CNPY1: variants seen among roughly 807,000 people sequenced by gnomAD.
The protein encoded by CNPY1 is canopy FGF signaling regulator 1.
In CNPY1, 14 loss-of-function variants were observed where a neutral mutation model predicts 14.4. The observed-to-expected ratio is 0.97, with a 90% CI of 0.64 to 1.52. CNPY1 has a LOEUF of 1.52. Ranked by LOEUF, CNPY1 falls within the 40% of genes most tolerant of loss-of-function variation. The probability of loss-of-function intolerance (pLI) is 0.00; values close to 1 mark genes in which losing one functional copy is unlikely to be tolerated. For missense variants in CNPY1, 129 were observed against 131.5 expected (o/e 0.98, Z 0.09); for synonymous variants, 43 against 46.5 (o/e 0.92, Z 0.31).
At chr7:155,506,829 G>A (rs111964905) in intron 4 of CNPY1, 191 bp downstream of exon 4, 14,867 of 607,298 alleles carry the variant, frequency 0.024, 236 homozygotes, top group Non-Finnish European at 0.03. Flanking sequence ...AGGCCACACA[G>A]CCCTGTGGTT....
At chr7:155,527,603 T>C (rs1260560936) in intron 2 of CNPY1, among the ~76,000 whole-genome samples, 4 of 148,978 alleles carry the variant, frequency 2.7e-5, no homozygotes, top group Non-Finnish European at 5.9e-5. Flanking sequence ...CACCACACCC[T>C]GCTAATTTTT....
chr7:155,507,243 T>C, intron 3 of CNPY1, 127 bp from the exon 4 acceptor site: 1 of 662,790 alleles, frequency 1.5e-6, no homozygotes, highest in Non-Finnish European at 2.7e-6. Flanking sequence ...TCCATTTTTA[T>C]TCGCCCTTTT....
At chr7:155,538,101 T>C (rs996678982) in intron 2 of CNPY1, among the ~76,000 whole-genome samples, 1 of 152,198 alleles carries the variant, frequency 6.6e-6, no homozygotes, top group Non-Finnish European at 1.5e-5. Context: ...AAAATACCCT[T>C]CGGATTTTTT....
rs747758043 is a variant in CNPY1 at position 155,509,032 on chromosome 7, G to C, written c.165C>G (p.Asn55Lys). ...DLLEKVCERM[N>K]DYKLEEDPVT... is the part of the protein sequence containing the mutation. ...CAGGGTCTTCCTCAAGCTTGTAGTC[G>C]TTCATTCGCTCACAGACTTTCTCCA... is the stretch of plus-strand genomic sequence containing the variant. The change falls in exon 3 of 5, where the codon AAC becomes AAG. Residue 55 changes from asparagine to lysine, a missense_variant. Asn to Lys is a moderately conservative substitution (Grantham distance 94). Coordinates refer to ENST00000636446, the MANE Select transcript of CNPY1 (RefSeq NM_001393663.1). 1 of 1,612,120 alleles carries C rather than the reference G, an allele frequency of 6.2e-7. No homozygotes were observed. The highest frequency in any genetic ancestry group is 8.5e-7 in the Non-Finnish European group (1 of 1,179,510).
chr7:155,517,238 G>A (rs1419103206), intron 2 of CNPY1, among the ~76,000 whole-genome samples: 1 of 152,164 alleles, frequency 6.6e-6, no homozygotes, highest in East Asian at 1.9e-4. Context: ...CTTGTAGGAA[G>A]AGGACATTAG....
At chr7:155,504,043 A>G (rs1030021404) in intron 4 of CNPY1, among the ~76,000 whole-genome samples, 1 of 152,180 alleles carries the variant, frequency 6.6e-6, no homozygotes, top group South Asian at 2.1e-4. Flanking sequence ...ATGCCCCAAG[A>G]TATTCCACCA....
chr7:155,533,389 C>T (rs1171439737), intron 2 of CNPY1, among the ~76,000 whole-genome samples: 1 of 152,240 alleles, frequency 6.6e-6, no homozygotes, highest in Non-Finnish European at 1.5e-5. Flanking sequence ...TTCCCGGTGG[C>T]TCTCCACGCA....
intron 4 of CNPY1, 24 bp from the exon 5 acceptor site, chr7:155,503,129 T>C (rs774550028): frequency 1.9e-6 from 3 of 1,570,648 alleles, no homozygotes; most frequent in East Asian, 2.2e-5. Flanking sequence ...AAAAAGTAGA[T>C]AGCATCATTA....
At chr7:155,523,931 G>A (rs565401754) in intron 2 of CNPY1, among the ~76,000 whole-genome samples, 1 of 152,304 alleles carries the variant, frequency 6.6e-6, no homozygotes, top group East Asian at 1.9e-4. Context: ...CAGAGGCAGA[G>A]GCTGGGGTGA....
chr7:155,502,892 G>GGTTT lies in CNPY1; in HGVS notation c.*172_*175dup. The GGTTT allele has an allele frequency of 7.1e-6, 4 of 559,620 alleles. No individual in the cohort carries two copies. Among genetic ancestry groups the GGTTT allele is most frequent in the Non-Finnish European group, 1.3e-5 (4 of 318,352 alleles). The allele number at this position is 559,620 out of a possible 1,614,324, so 34.7% of individuals were successfully genotyped here. On this transcript the variant is annotated 3_prime_UTR_variant, in exon 5 of 5. Coordinates refer to ENST00000636446, the MANE Select transcript of CNPY1 (RefSeq NM_001393663.1). The stretch of plus-strand genomic sequence containing the variant: ...CAGCTTCACCTATAAAAAAACGCAG[G>GGTTT]GTTTGTCATGATGTCAACCAACAGA...
At position 155,503,107 on chromosome 7, in the gene CNPY1, TG is replaced by T. The variant is rs376612451; in HGVS notation, c.401-3del. ...GATTAGCAGAAGTTTCACACAGATC[TG>T]GAAAAAAAAAAAAAAGTAGATAGCA... On this transcript the variant is annotated splice_region_variant and splice_polypyrimidine_tract_variant and intron_variant, in intron 4 of 4. Transcript: ENST00000636446. 8.5e-3 allele frequency: 13,254 copies of T among 1,551,444 alleles called. 625 individuals carry two copies. In the African/African-American group the frequency reaches 0.21, roughly 25 times the overall value.
chr7:155,512,263 A>G (rs1446664990), intron 2 of CNPY1, among the ~76,000 whole-genome samples: 1 of 152,200 alleles, frequency 6.6e-6, no homozygotes, highest in African/African-American at 2.4e-5. Flanking sequence ...GCTTTTACAT[A>G]TGGACTTGTT....
intron 2 of CNPY1, among the ~76,000 whole-genome samples, chr7:155,542,294 G>A (rs1244325069): frequency 6.6e-6 from 1 of 150,914 alleles, no homozygotes; most frequent in East Asian, 1.9e-4. Context: ...CCTGCCAGCT[G>A]CTCCCCGGAC....
At chr7:155,532,540 G>A (rs1344491437) in intron 2 of CNPY1, among the ~76,000 whole-genome samples, 2 of 151,944 alleles carry the variant, frequency 1.3e-5, no homozygotes, top group Admixed American at 6.6e-5. Flanking sequence ...AGAATGGCGT[G>A]AACCCGGGAG....
intron 2 of CNPY1, among the ~76,000 whole-genome samples, chr7:155,541,659 C>T (rs964324188): frequency 6.6e-6 from 1 of 152,164 alleles, no homozygotes; most frequent in Non-Finnish European, 1.5e-5. Flanking sequence ...GAGTGTGGGG[C>T]GACTGTCCAT....
At chr7:155,506,878 A>T in intron 4 of CNPY1, 142 bp downstream of exon 4, 25 of 633,366 alleles carry the variant, frequency 3.9e-5, no homozygotes, top group Middle Eastern at 3.6e-4. Flanking sequence ...GTCGTTTCTG[A>T]TTCAGCGGAG....
intron 2 of CNPY1, chr7:155,510,557 G>A (rs1328764218): frequency 6.6e-6 from 1 of 152,158 alleles, no homozygotes; most frequent in Non-Finnish European, 1.5e-5. Context: ...CACTCGAATC[G>A]GAAGTTAAAT....
Position 155,536,089 on chromosome 7 carries a change from G to A in CNPY1, c.99+9742C>T, listed in dbSNP as rs1797020074. 6.6e-6 allele frequency among the ~76,000 whole-genome samples: 1 copy of A among 152,200 alleles called. No individual in the cohort carries two copies. The highest frequency in any genetic ancestry group is 2.4e-5 in the African/African-American group (1 of 41,440). On this transcript the variant is annotated intron_variant, in intron 2 of 4. Coordinates refer to ENST00000636446, the MANE Select transcript of CNPY1 (RefSeq NM_001393663.1). This position sits in a 1 kb window ranked among gnomAD's most constrained non-coding sequence, Gnocchi z 4.1. ...ACCCTCCGGGATGATATTCTGGGCT[G>A]GGCTGTCCTCACCTGGCGGGGTCAG...
chr7:155,525,267 G>C (rs923328374), intron 2 of CNPY1, among the ~76,000 whole-genome samples: 1 of 151,938 alleles, frequency 6.6e-6, no homozygotes, highest in Admixed American at 6.6e-5. Flanking sequence ...TGCAACCTCC[G>C]CCTCCTGGGT....
Sources: allele counts gnomAD v4.1 joint callset (sites outside exome capture counted in the v4.1 genomes callset), GRCh38; gene constraint gnomAD v4.1.1; non-coding constraint Gnocchi (gnomAD v3.1); transcripts MANE v1.5; gene names NCBI Gene and HGNC (gene_info 2026-07-23, HGNC 2026-07-21).